The following PDE1A variants were observed in gnomAD, a reference collection of about 807,000 sequenced individuals.
PDE1A encodes the protein dual specificity calcium/calmodulin-dependent 3',5'-cyclic nucleotide phosphodiesterase 1A.
Under a neutral mutation model 61.7 loss-of-function variants are expected in PDE1A, and 35 were observed. The observed-to-expected ratio is 0.57, with a 90% CI of 0.43 to 0.75. The LOEUF is 0.75. Ranked by LOEUF, PDE1A falls within the 30% of genes least tolerant of loss-of-function variation. The probability of loss-of-function intolerance (pLI) is 0.00; values close to 1 mark genes in which losing one functional copy is unlikely to be tolerated. For missense variants in PDE1A, 597 were observed against 630.6 expected, an observed-to-expected ratio of 0.95 and a Z score of 0.57; for synonymous variants, 232 against 213.2, an observed-to-expected ratio of 1.09 and a Z score of -0.77.
chr2:182,641,398 T>C, the PDE1A span, among the ~76,000 whole-genome samples: 2 of 152,314 alleles, frequency 1.3e-5, 1 homozygote, highest in East Asian at 3.9e-4. Flanking sequence ...AGTTAAGCTA[T>C]TCCCCATATT....
the PDE1A span, among the ~76,000 whole-genome samples, chr2:182,577,864 G>A: frequency 6.6e-6 from 1 of 151,084 alleles, no homozygotes; most frequent in Admixed American, 6.6e-5. Flanking sequence ...AGGTTGCAGT[G>A]AGCCTAGATC....
At chr2:182,242,382 C>T (rs746293310) in intron 2 of PDE1A, among the ~76,000 whole-genome samples, 3 of 151,980 alleles carry the variant, frequency 2.0e-5, no homozygotes, top group Non-Finnish European at 2.9e-5. Context: ...AATAATGATA[C>T]GGATTAATTA....
the PDE1A span, among the ~76,000 whole-genome samples, chr2:182,714,369 C>G: frequency 6.6e-6 from 1 of 152,262 alleles, no homozygotes; most frequent in East Asian, 1.9e-4. Flanking sequence ...CCAATCTAGA[C>G]ATTACCCATG....
At chr2:182,609,074 C>G in the PDE1A span, among the ~76,000 whole-genome samples, 1 of 152,204 alleles carries the variant, frequency 6.6e-6, no homozygotes, top group Non-Finnish European at 1.5e-5. Flanking sequence ...ATTGTAAATA[C>G]ACCAATCAGC....
intron 13 of PDE1A, among the ~76,000 whole-genome samples, chr2:182,181,528 G>A (rs1055252131): frequency 7.2e-5 from 11 of 152,208 alleles, no homozygotes; most frequent in South Asian, 2.1e-4. Flanking sequence ...GTCAAGAGGC[G>A]CAAAGTCAGG....
At chr2:182,653,901 C>T in the PDE1A span, among the ~76,000 whole-genome samples, 1 of 152,142 alleles carries the variant, frequency 6.6e-6, no homozygotes. Context: ...CTAGGGTACT[C>T]TCTTCTTCCT....
At chr2:182,413,166 T>C (rs1195671027) in intron 1 of PDE1A, among the ~76,000 whole-genome samples, 1 of 152,094 alleles carries the variant, frequency 6.6e-6, no homozygotes, top group African/African-American at 2.4e-5. Context: ...ATGGAATAGA[T>C]GGAGAGTAGG....
chr2:182,521,422 G>A (rs1690560357), intron 2 of PDE1A, among the ~76,000 whole-genome samples: 1 of 151,988 alleles, frequency 6.6e-6, no homozygotes, highest in African/African-American at 2.4e-5. Flanking sequence ...ACAACGGCCT[G>A]TAAAATTCAT....
At chr2:182,306,297 G>A (rs1421307697) in intron 1 of PDE1A, among the ~76,000 whole-genome samples, 1 of 152,100 alleles carries the variant, frequency 6.6e-6, no homozygotes, top group African/African-American at 2.4e-5. Flanking sequence ...GTGAACATGG[G>A]AGTGCAGATA....
intron 2 of PDE1A, among the ~76,000 whole-genome samples, chr2:182,455,635 T>C (rs1372509710): frequency 3.3e-5 from 5 of 152,138 alleles, no homozygotes; most frequent in African/African-American, 1.2e-4. Flanking sequence ...GAAGCCATCA[T>C]TCTCAGCAAA....
intron 1 of PDE1A, among the ~76,000 whole-genome samples, chr2:182,342,591 G>A (rs535785891): frequency 6.6e-6 from 1 of 152,316 alleles, no homozygotes; most frequent in South Asian, 2.1e-4. Context: ...GCTGAGGCAG[G>A]AGAATCACTT....
chr2:182,417,792 T>G (rs149340005), intron 1 of PDE1A, among the ~76,000 whole-genome samples: 255 of 152,256 alleles, frequency 1.7e-3, no homozygotes, highest in African/African-American at 5.8e-3. Context: ...CATCAAACCT[T>G]TCTACCCCCA....
At chr2:182,188,653 A>G (rs1163693995) in intron 11 of PDE1A, among the ~76,000 whole-genome samples, 1 of 152,244 alleles carries the variant, frequency 6.6e-6, no homozygotes, top group African/African-American at 2.4e-5. Flanking sequence ...GTTGACCTAT[A>G]TATCTAAAGA....
chr2:182,367,585 G>C (rs1183609849), intron 1 of PDE1A, among the ~76,000 whole-genome samples: 3 of 151,994 alleles, frequency 2.0e-5, no homozygotes, highest in Non-Finnish European at 4.4e-5. Context: ...TTTCTCGATA[G>C]AAGAATCCTG....
At chr2:182,342,708 C>T (rs1441342545) in intron 1 of PDE1A, among the ~76,000 whole-genome samples, 6 of 152,116 alleles carry the variant, frequency 3.9e-5, no homozygotes, top group Non-Finnish European at 8.8e-5. Flanking sequence ...AACAAACACA[C>T]ACAAAAAAAC....
chr2:182,618,466 TAA>T, the PDE1A span, among the ~76,000 whole-genome samples: 1 of 151,946 alleles, frequency 6.6e-6, no homozygotes, highest in Admixed American at 6.6e-5. Flanking sequence ...GTGGAGGAAG[TAA>T]AAGAGTTTGA....
intron 2 of PDE1A, among the ~76,000 whole-genome samples, chr2:182,448,027 G>C (rs1260943780): frequency 6.6e-6 from 1 of 152,028 alleles, no homozygotes; most frequent in Admixed American, 6.6e-5. Flanking sequence ...CACAACCCTG[G>C]CGTTACTGCT....
chr2:182,174,054 TAC>T (rs941564995), intron 13 of PDE1A, among the ~76,000 whole-genome samples: 22 of 152,134 alleles, frequency 1.4e-4, no homozygotes, highest in Admixed American at 1.4e-3. Flanking sequence ...TCAGAAAGCT[TAC>T]AGAGACCCGT....
At chr2:182,667,941 G>C in the PDE1A span, among the ~76,000 whole-genome samples, 1 of 152,154 alleles carries the variant, frequency 6.6e-6, no homozygotes, top group Non-Finnish European at 1.5e-5. Flanking sequence ...AGTCCCACCA[G>C]AGATATTAGA....
Sources: gnomAD v4.1 joint callset for allele counts (sites outside exome capture counted in the v4.1 genomes callset) on GRCh38, gnomAD v4.1.1 for gene constraint, MANE v1.5 for transcripts, NCBI Gene and HGNC (gene_info 2026-07-23, HGNC 2026-07-21) for gene names.